MYO1E: variants seen among roughly 807,000 people sequenced by gnomAD.
MYO1E encodes myosin IE, also known as unconventional myosin-Ie.
Under a neutral mutation model 151.1 loss-of-function variants are expected in MYO1E, and 68 were observed. The ratio of observed to expected loss-of-function variants is 0.45; its 90% CI spans 0.37 to 0.55. The LOEUF (loss-of-function observed/expected upper bound fraction) is 0.55, where lower values mean the gene tolerates loss of function less well. MYO1E is among the 20% of genes least tolerant of loss of function. MYO1E has a pLI of 0.00. For synonymous variants in MYO1E, 601 were observed against 501.7 expected (o/e 1.20, Z -2.64); for missense variants, 1,363 against 1,389.3 (o/e 0.98, Z 0.30).
At chr15:59,195,608 T>G in intron 16 of MYO1E, 41 bp from the exon 17 acceptor site, 7 of 1,530,730 alleles carry the variant, frequency 4.6e-6, no homozygotes, top group African/African-American at 2.7e-5. Context: ...GAACTTTCTC[T>G]AAAGAAGACC....
At chr15:59,286,344 T>C (rs745984263) in intron 1 of MYO1E, among the ~76,000 whole-genome samples, 27 of 152,252 alleles carry the variant, frequency 1.8e-4, no homozygotes, top group Admixed American at 7.2e-4. Context: ...CAGATTGCCC[T>C]ATTTTTCTGA....
intron 1 of MYO1E, among the ~76,000 whole-genome samples, chr15:59,322,500 T>C (rs2080633050): frequency 6.6e-6 from 1 of 152,174 alleles, no homozygotes; most frequent in African/African-American, 2.4e-5. Flanking sequence ...GACCAAATCT[T>C]TTGTGGTTAA....
chr15:59,359,159 C>T (rs2080871197), intron 1 of MYO1E, among the ~76,000 whole-genome samples: 1 of 151,840 alleles, frequency 6.6e-6, no homozygotes, highest in Non-Finnish European at 1.5e-5. Flanking sequence ...GGCACAGTAG[C>T]TGTCACCTAT....
chr15:59,300,593 G>C (rs2080476140), intron 1 of MYO1E, among the ~76,000 whole-genome samples: 1 of 152,094 alleles, frequency 6.6e-6, no homozygotes. Flanking sequence ...CTGGAAGTGG[G>C]CCACATGTTG....
intron 14 of MYO1E, chr15:59,206,746 T>G: frequency 1.7e-6 from 1 of 595,438 alleles, no homozygotes. Context: ...TTCACTGCCT[T>G]AGTCTGAGCA....
At chr15:59,228,609 C>G (rs2080006385) in intron 6 of MYO1E, among the ~76,000 whole-genome samples, 1 of 151,700 alleles carries the variant, frequency 6.6e-6, no homozygotes, top group South Asian at 2.1e-4. Context: ...CTTAAGCACC[C>G]TCAGAGGCCA....
Position 59,257,257 on chromosome 15 carries a change from G to A in MYO1E, c.238-879C>T, listed in dbSNP as rs75226479. ...ACTCCAAGCTACTTGGTAGGCTGAG[G>A]CAGAAGAGTTGTTTAACCCTAGGAC... On this transcript the variant is annotated intron_variant, in intron 3 of 27. Transcript: ENST00000288235. 6.5e-3 allele frequency among the ~76,000 whole-genome samples: 995 copies of A among 152,276 alleles called. 11 individuals carry two copies. The highest frequency in any genetic ancestry group is 0.023 in the African/African-American group (935 of 41,542).
In MYO1E at chr15:59,207,585, T is replaced by C. The variant is rs1391104557; in HGVS notation, c.1530+1096A>G. 8.7e-6 allele frequency: 14 copies of C among 1,614,042 alleles called. 1 individual carries two copies. In the African/African-American group the frequency reaches 1.3e-4, roughly 15 times the overall value. ...TTATTGGAAGCGGCTGTAATCTGGA[T>C]ACTGCTCGTTTTCGTTTCTTGATTG... On this transcript the variant is annotated intron_variant, in intron 14 of 27. Transcript: ENST00000288235.
chr15:59,289,019 T>C (rs2080404146), intron 1 of MYO1E, among the ~76,000 whole-genome samples: 3 of 152,146 alleles, frequency 2.0e-5, no homozygotes, highest in Admixed American at 1.3e-4. Flanking sequence ...CCCTAAAATA[T>C]TGTAGCTGGA....
chr15:59,256,449 G>A, intron 3 of MYO1E, 71 bp from the exon 4 acceptor site: 7 of 858,390 alleles, frequency 8.2e-6, no homozygotes, highest in Non-Finnish European at 1.2e-5. Context: ...ATCATGGTCA[G>A]ATAGGCAATA....
intron 19 of MYO1E, among the ~76,000 whole-genome samples, chr15:59,174,754 G>A (rs189406032): frequency 6.6e-6 from 1 of 152,154 alleles, no homozygotes; most frequent in African/African-American, 2.4e-5. Flanking sequence ...TAGACTTCCT[G>A]TCTCAGGATT....
intron 1 of MYO1E, among the ~76,000 whole-genome samples, chr15:59,328,651 T>C (rs1279103079): frequency 1.3e-5 from 2 of 152,124 alleles, no homozygotes; most frequent in Non-Finnish European, 2.9e-5. Context: ...AATACAGATG[T>C]TTTGATCAAC....
At chr15:59,268,453 T>C (rs535408387) in intron 2 of MYO1E, among the ~76,000 whole-genome samples, 2 of 152,346 alleles carry the variant, frequency 1.3e-5, no homozygotes, top group South Asian at 2.1e-4. Flanking sequence ...CAGCCCTCTC[T>C]GTGTGAGTCA....
intron 1 of MYO1E, among the ~76,000 whole-genome samples, chr15:59,286,258 A>C (rs557399720): frequency 2.0e-5 from 3 of 152,322 alleles, no homozygotes; most frequent in Middle Eastern, 3.4e-3. Flanking sequence ...CAAAATACGC[A>C]TTATTTATAA....
intron 16 of MYO1E, among the ~76,000 whole-genome samples, chr15:59,196,180 G>A (rs1409517931): frequency 1.3e-5 from 2 of 152,100 alleles, no homozygotes; most frequent in Non-Finnish European, 2.9e-5. Flanking sequence ...AAAACCTGCA[G>A]AGTCTGAACA....
At chr15:59,249,457 A>T (rs1330970979) in intron 4 of MYO1E, among the ~76,000 whole-genome samples, 1 of 150,394 alleles carries the variant, frequency 6.6e-6, no homozygotes, top group East Asian at 1.9e-4. Context: ...TGTTACACTC[A>T]TTTCTAGTCT....
At position 59,231,686 on chromosome 15, in the gene MYO1E, C is replaced by G; in HGVS notation, c.510+16G>C. The G allele has an allele frequency of 6.2e-7, 1 of 1,612,360 alleles. No individual in the cohort carries two copies. The highest frequency in any genetic ancestry group is 1.1e-5 in the South Asian group (1 of 91,040). ...ATCAATCAAGCGACACTCTCTGAAA[C>G]AGGGAAGGGACTTACAAATCGGCTG... On this transcript the variant is annotated intron_variant, in intron 6 of 27. Coordinates refer to ENST00000288235, the MANE Select transcript of MYO1E (RefSeq NM_004998.4).
In MYO1E at chr15:59,231,749, C is replaced by T. The variant is rs1373359578; in HGVS notation, c.463G>A (p.Ala155Thr). 22 of 1,614,072 alleles carry T rather than the reference C, an allele frequency of 1.4e-5. No individual in the cohort carries two copies. In the East Asian group the frequency reaches 4.0e-4, roughly 29 times the overall value. The stretch of plus-strand genomic sequence containing the variant: ...CGGACGGTCTTGGCGTTCCCGAAGG[C>T]CTCCAGCAGCGGGTTGGACTGCAGG... ...IILQSNPLLE[A>T]FGNAKTVRNN... The change falls in exon 6 of 28, where the codon GCC becomes ACC. Residue 155 changes from alanine to threonine, a missense_variant. By Grantham distance (58) the Ala-to-Thr change is moderately conservative (BLOSUM62 0). Transcript: ENST00000288235.
chr15:59,310,097 T>C (rs1451844682), intron 1 of MYO1E, among the ~76,000 whole-genome samples: 3 of 152,228 alleles, frequency 2.0e-5, no homozygotes, highest in African/African-American at 7.2e-5. Context: ...GCTTAGGTCC[T>C]GTGCACCTTC....
Sources: gnomAD v4.1 joint callset for allele counts (sites outside exome capture counted in the v4.1 genomes callset) on GRCh38, gnomAD v4.1.1 for gene constraint, MANE v1.5 for transcripts, NCBI Gene and HGNC (gene_info 2026-07-23, HGNC 2026-07-21) for gene names.